The following NCKAP1 variants were observed in gnomAD, a reference collection of about 807,000 sequenced individuals.
NCKAP1 encodes NCK associated protein 1, also known as nck-associated protein 1.
NCKAP1 carries 21 observed loss-of-function variants against 151.2 expected under a neutral mutation model. The observed-to-expected ratio is 0.14, with a 90% CI of 0.10 to 0.20. The LOEUF (loss-of-function observed/expected upper bound fraction) is 0.20, where lower values mean the gene tolerates loss of function less well. Ranked by LOEUF, NCKAP1 falls within the 10% of genes least tolerant of loss-of-function variation. The probability of loss-of-function intolerance (pLI) is 1.00; values close to 1 mark genes in which losing one functional copy is unlikely to be tolerated. For missense variants in NCKAP1, 933 were observed against 1,352.1 expected, an observed-to-expected ratio of 0.69 and a Z score of 4.86; for synonymous variants, 484 against 451.8, an observed-to-expected ratio of 1.07 and a Z score of -0.90.
At chr2:182,985,790 G>T (rs962490885) in intron 10 of NCKAP1, among the ~76,000 whole-genome samples, 6 of 145,120 alleles carry the variant, frequency 4.1e-5, no homozygotes, top group Non-Finnish European at 7.5e-5. Flanking sequence ...GTGACAGAGT[G>T]AGACTGTCTC....
At chr2:182,946,597 T>C (rs2105816220) in intron 23 of NCKAP1, among the ~76,000 whole-genome samples, 1 of 149,436 alleles carries the variant, frequency 6.7e-6, no homozygotes, top group East Asian at 2.0e-4. Flanking sequence ...AAATAGAAGT[T>C]GGAAAGAAAA....
chr2:183,017,393 G>A (rs189774568), intron 2 of NCKAP1, among the ~76,000 whole-genome samples: 82 of 152,166 alleles, frequency 5.4e-4, no homozygotes, highest in Non-Finnish European at 9.7e-4. Context: ...GGGGTGATGG[G>A]AGACGGTGAC....
chr2:183,024,478 C>T (rs1698850825), intron 1 of NCKAP1, among the ~76,000 whole-genome samples: 1 of 152,162 alleles, frequency 6.6e-6, no homozygotes, highest in Non-Finnish European at 1.5e-5. Flanking sequence ...TTCCATCATA[C>T]CAGCAGCACT....
rs560219359 is a variant in NCKAP1, at chr2:182,916,566, T to C, written c.*9136A>G. Reference sequence around the variant, plus strand: ...AAGGTTTAGAAGAAACAGGATGGCATGGTAAGGAAAGGGCAAGTGATGTTT... The same window carrying C: ...AAGGTTTAGAAGAAACAGGATGGCACGGTAAGGAAAGGGCAAGTGATGTTT... On this transcript the variant is annotated 3_prime_UTR_variant, in exon 31 of 31. Coordinates refer to ENST00000361354, the MANE Select transcript of NCKAP1 (RefSeq NM_013436.5). The C allele has an allele frequency of 1.3e-5, 2 of 152,274 alleles. No homozygotes were observed. The highest frequency in any genetic ancestry group is 1.3e-4 in the Admixed American group (2 of 15,282). The allele number at this position is 152,274 out of a possible 1,614,324, so 9.4% of individuals were successfully genotyped here. A position where few individuals can be genotyped will look rare whatever the true frequency, so the allele number is the denominator to read the frequency against.
Position 183,015,139 on chromosome 2 carries a change from G to T in NCKAP1, c.219+8667C>A, listed in dbSNP as rs570393818. On this transcript the variant is annotated intron_variant, in intron 2 of 30. Coordinates refer to ENST00000361354, the MANE Select transcript of NCKAP1 (RefSeq NM_013436.5). ...TTGAAGAGGTTATGAATATAGTTTAGTATGACAAAAATATATAGCACATAA... is the reference window on the plus strand; with the variant it reads ...TTGAAGAGGTTATGAATATAGTTTATTATGACAAAAATATATAGCACATAA... 2.8e-3 allele frequency among the ~76,000 whole-genome samples: 424 copies of T among 152,224 alleles called. 2 individuals are homozygous for T. Among genetic ancestry groups the T allele is most frequent in the Non-Finnish European group, 3.9e-3 (264 of 68,010 alleles).
chr2:182,943,475 T>G (rs6735651), intron 23 of NCKAP1, among the ~76,000 whole-genome samples: 15,552 of 152,118 alleles, frequency 0.1, 1,113 homozygotes, highest in African/African-American at 0.2. Flanking sequence ...GGCTGCCTGC[T>G]CTCTCTGGGC....
At chr2:182,953,012 A>G in intron 21 of NCKAP1, 89 bp from the exon 22 acceptor site, 1 of 1,486,044 alleles carries the variant, frequency 6.7e-7, no homozygotes, top group Non-Finnish European at 9.1e-7. Flanking sequence ...TTTTAAGTTG[A>G]CTGATAATAT....
rs1294500328 is a variant in NCKAP1 at position 182,924,897 on chromosome 2, T to C, written c.*805A>G. 5 of 152,150 alleles carry C rather than the reference T, an allele frequency of 3.3e-5. No individual in the cohort carries two copies. Among genetic ancestry groups the C allele is most frequent in the African/African-American group, 1.2e-4 (5 of 41,454 alleles). 9.4% of individuals were successfully genotyped at this position (152,150 alleles called of 1,614,324 possible). A position where few individuals can be genotyped will look rare whatever the true frequency, so the allele number is the denominator to read the frequency against. Reference sequence around the variant, plus strand: ...AGAAATCAATCGAAGTGTGATACAGTCTAGTGTTTATTTTATGTTATGGCA... The same window carrying C: ...AGAAATCAATCGAAGTGTGATACAGCCTAGTGTTTATTTTATGTTATGGCA... On this transcript the variant is annotated 3_prime_UTR_variant, in exon 31 of 31. Transcript: ENST00000361354.
chr2:182,944,127 C>A (rs1697051444), intron 23 of NCKAP1, among the ~76,000 whole-genome samples: 1 of 152,096 alleles, frequency 6.6e-6, no homozygotes, highest in African/African-American at 2.4e-5. Context: ...TGAACCATTA[C>A]CCTAAATTAT....
chr2:182,961,958 A>G (rs1260951084), intron 18 of NCKAP1, among the ~76,000 whole-genome samples: 1 of 152,214 alleles, frequency 6.6e-6, no homozygotes, highest in East Asian at 1.9e-4. Flanking sequence ...CTGATTAAAG[A>G]ACACAAACAG....
intron 2 of NCKAP1, among the ~76,000 whole-genome samples, chr2:183,007,298 TA>T (rs1254495548): frequency 1.3e-5 from 2 of 152,190 alleles, no homozygotes; most frequent in Non-Finnish European, 2.9e-5. Context: ...TCAAGTAAAA[TA>T]TGTAAAAACT....
At position 182,960,473 on chromosome 2, in the gene NCKAP1, C is replaced by A. The variant is rs536524295; in HGVS notation, c.1881+1686G>T. Among the ~76,000 whole-genome samples, 55 of 152,232 alleles carry A rather than the reference C, an allele frequency of 3.6e-4. 1 individual carries two copies. Among genetic ancestry groups the A allele is most frequent in the African/African-American group, 1.1e-3 (47 of 41,554 alleles). ...CTTTGACAAACCTGAGAAAAACAAG[C>A]AATGGGGAAATGATTCCCTATTTAA... On this transcript the variant is annotated intron_variant, in intron 18 of 30. Coordinates refer to ENST00000361354, the MANE Select transcript of NCKAP1 (RefSeq NM_013436.5).
At chr2:182,931,755 T>A (rs1417320154) in intron 26 of NCKAP1, among the ~76,000 whole-genome samples, 1 of 152,142 alleles carries the variant, frequency 6.6e-6, no homozygotes, top group Non-Finnish European at 1.5e-5. Context: ...AATGGACTTG[T>A]ATCCAAAACA....
chr2:182,972,721 T>TA (rs1343873023), intron 15 of NCKAP1, among the ~76,000 whole-genome samples: 18 of 152,212 alleles, frequency 1.2e-4, no homozygotes, highest in African/African-American at 4.1e-4. Flanking sequence ...TATTATGCCA[T>TA]AAAAAATGAA....
chr2:182,991,213 A>G (rs770370788), intron 8 of NCKAP1, among the ~76,000 whole-genome samples: 1 of 152,234 alleles, frequency 6.6e-6, no homozygotes, highest in Non-Finnish European at 1.5e-5. Context: ...GTTATGAGTT[A>G]AAGTATATTT....
chr2:182,994,412 C>A (rs927929554), intron 8 of NCKAP1, among the ~76,000 whole-genome samples: 3 of 151,916 alleles, frequency 2.0e-5, no homozygotes, highest in African/African-American at 7.3e-5. Context: ...CCGAGGCGGG[C>A]AGATCACTTG....
chr2:182,975,602 T>C (rs1433757150), intron 15 of NCKAP1, among the ~76,000 whole-genome samples: 1 of 152,180 alleles, frequency 6.6e-6, no homozygotes, highest in African/African-American at 2.4e-5. Flanking sequence ...AAATTTTATT[T>C]ATTTATTTTT....
intron 13 of NCKAP1, among the ~76,000 whole-genome samples, chr2:182,979,558 A>T (rs929787703): frequency 1.3e-5 from 2 of 152,148 alleles, no homozygotes; most frequent in African/African-American, 4.8e-5. Context: ...AAACTTTATG[A>T]TGCGAGTGAA....
At chr2:183,000,674 C>T (rs1698359225) in intron 6 of NCKAP1, among the ~76,000 whole-genome samples, 1 of 152,078 alleles carries the variant, frequency 6.6e-6, no homozygotes, top group African/African-American at 2.4e-5. Flanking sequence ...CAACCAATTC[C>T]AAGACAGAAA....
Sources: allele counts gnomAD v4.1 joint callset (sites outside exome capture counted in the v4.1 genomes callset), GRCh38; gene constraint gnomAD v4.1.1; transcripts MANE v1.5; gene names NCBI Gene and HGNC (gene_info 2026-07-23, HGNC 2026-07-21).